Variants in PHLPP1 observed in about 807,000 individuals in gnomAD.
PHLPP1 encodes the protein PH domain leucine-rich repeat-containing protein phosphatase 1.
PHLPP1 carries 42 observed loss-of-function variants against 117.2 expected under a neutral mutation model. The observed-to-expected ratio is 0.36, with a 90% CI of 0.28 to 0.46. The LOEUF is 0.46. PHLPP1 is among the 20% of genes least tolerant of loss of function. The pLI, the probability that PHLPP1 is intolerant of heterozygous loss-of-function variation, is 1.00. For missense variants in PHLPP1, 2,084 were observed against 2,241.9 expected (o/e 0.93, Z 1.42); for synonymous variants, 1,042 against 970.7 (o/e 1.07, Z -1.37).
At chr18:62,928,001 A>G (rs919784004) in intron 10 of PHLPP1, among the ~76,000 whole-genome samples, 1 of 152,178 alleles carries the variant, frequency 6.6e-6, no homozygotes, top group Non-Finnish European at 1.5e-5. Flanking sequence ...TAAAAGGCAA[A>G]TATTTAGATT....
At chr18:62,926,800 G>A (rs1227640200) in intron 10 of PHLPP1, among the ~76,000 whole-genome samples, 5 of 152,156 alleles carry the variant, frequency 3.3e-5, no homozygotes, top group African/African-American at 4.8e-5. Flanking sequence ...TGTTCCTTTA[G>A]CAGCTCCAAA....
At position 62,914,938 on chromosome 18, in the gene PHLPP1, T is replaced by A; in HGVS notation, c.2734T>A (p.Trp912Arg). Residue 912 changes from tryptophan (W) to arginine (R), a missense_variant, in exon 9 of 17, where the codon TGG becomes AGG. Physicochemically the swap from Trp to Arg is moderately radical, Grantham distance 101. Transcript: ENST00000262719. Reference sequence around the variant, plus strand: ...GAACCGCTTAGAAAATGTGCCTGAGTGGGTATGTGAAAGCCGAAAGCTAGA... The same window carrying A: ...GAACCGCTTAGAAAATGTGCCTGAGAGGGTATGTGAAAGCCGAAAGCTAGA... ...SRNRLENVPE[W>R]VCESRKLEVL... The A allele has an allele frequency of 6.2e-7, 1 of 1,613,702 alleles. No homozygotes were observed. The highest frequency in any genetic ancestry group is 8.5e-7 in the Non-Finnish European group (1 of 1,179,742).
At chr18:62,821,144 A>C (rs1223607425) in intron 1 of PHLPP1, among the ~76,000 whole-genome samples, 2 of 152,202 alleles carry the variant, frequency 1.3e-5, no homozygotes, top group African/African-American at 4.8e-5. Context: ...AAATTAGTAA[A>C]AGATGGACCT....
chr18:62,790,141 G>C (rs1470348358), intron 1 of PHLPP1, among the ~76,000 whole-genome samples: 1 of 152,120 alleles, frequency 6.6e-6, no homozygotes, highest in Non-Finnish European at 1.5e-5. Context: ...AAATAAGAAG[G>C]CTAAATAAAT....
intron 1 of PHLPP1, among the ~76,000 whole-genome samples, chr18:62,827,308 C>T (rs901723434): frequency 6.6e-6 from 1 of 152,146 alleles, no homozygotes; most frequent in Admixed American, 6.5e-5. Flanking sequence ...GTAAAAGTTA[C>T]AACTGACCCA....
chr18:62,876,484 C>T (rs1298345409), intron 4 of PHLPP1, among the ~76,000 whole-genome samples: 3 of 152,050 alleles, frequency 2.0e-5, no homozygotes, highest in Non-Finnish European at 4.4e-5. Flanking sequence ...CTTATCAATC[C>T]TTTTATAGTA....
In PHLPP1 at chr18:62,821,548, CCA is replaced by C. The variant is rs1487072470; in HGVS notation, c.1577-8486_1577-8485del. On this transcript the variant is annotated intron_variant, in intron 1 of 16. Transcript: ENST00000262719. Reference sequence around the variant, plus strand: ...TGGGTGACAGAGTGAGACCCTTTATCCAAAAAAAAAAAAAAAAAAAAAAGAAA... The same window carrying C: ...TGGGTGACAGAGTGAGACCCTTTATCAAAAAAAAAAAAAAAAAAAAAGAAA... 1.0e-4 allele frequency among the ~76,000 whole-genome samples: 3 copies of C among 29,338 alleles called. 1 individual carries two copies. The highest frequency in any genetic ancestry group is 1.3e-4 in the Non-Finnish European group (2 of 15,692). 19.2% of individuals were successfully genotyped at this position (29,338 alleles called of 152,430 possible).
At chr18:62,977,173 C>T (rs1362650568) in intron 16 of PHLPP1, among the ~76,000 whole-genome samples, 2 of 151,990 alleles carry the variant, frequency 1.3e-5, no homozygotes, top group Non-Finnish European at 2.9e-5. Context: ...TGTGGTGTGG[C>T]AAAGTTGTGT....
Position 62,941,767 on chromosome 18 carries a change from G to T in PHLPP1, c.3010G>T (p.Ala1004Ser), listed in dbSNP as rs1568168754. ...SANKLESLPP[A>S]TLSEETNSIL... Reference sequence around the variant, plus strand: ...GAACAAACTGGAAAGCCTTCCTCCAGCCACGCTTTCCGAAGAGACAAACAG... The same window carrying T: ...GAACAAACTGGAAAGCCTTCCTCCATCCACGCTTTCCGAAGAGACAAACAG... The change falls in exon 11 of 17, where the codon GCC becomes TCC. Residue 1004 changes from alanine (A) to serine (S), a missense_variant. Physicochemically the swap from Ala to Ser is moderately conservative, Grantham distance 99. Coordinates refer to ENST00000262719, the MANE Select transcript of PHLPP1 (RefSeq NM_194449.4). The T allele has an allele frequency of 5.0e-6, 8 of 1,613,876 alleles. No homozygotes were observed. The highest frequency in any genetic ancestry group is 6.8e-6 in the Non-Finnish European group (8 of 1,179,790).
At chr18:62,926,757 C>T (rs1371350221) in intron 10 of PHLPP1, among the ~76,000 whole-genome samples, 2 of 152,148 alleles carry the variant, frequency 1.3e-5, no homozygotes, top group African/African-American at 4.8e-5. Context: ...AGATTGCACC[C>T]TACTGAGCTA....
In PHLPP1 at chr18:62,720,408, TCACTGTA is replaced by T. The variant is rs1435625454; in HGVS notation, c.1576+3151_1576+3157del. On this transcript the variant is annotated intron_variant, in intron 1 of 16. Coordinates refer to ENST00000262719, the MANE Select transcript of PHLPP1 (RefSeq NM_194449.4). Reference sequence around the variant, plus strand: ...GGTGTTGACAGAATAAAGTGCACATTCACTGTACCTAGTGAATCTCGGACAAGGTATT... The same window carrying T: ...GGTGTTGACAGAATAAAGTGCACATTCCTAGTGAATCTCGGACAAGGTATT... Among the ~76,000 whole-genome samples the T allele has an allele frequency of 3.3e-5, 5 of 152,210 alleles. No individual in the cohort carries two copies. The East Asian group carries it at 9.6e-4, about 29-fold the overall frequency.
At chr18:62,816,587 T>TA (rs199659296) in intron 1 of PHLPP1, among the ~76,000 whole-genome samples, 5,369 of 151,190 alleles carry the variant, frequency 0.036, 132 homozygotes, top group Non-Finnish European at 0.054. Flanking sequence ...AAATAAATAA[T>TA]AAAAAAAAAG....
At chr18:62,795,709 C>T (rs1913612255) in intron 1 of PHLPP1, among the ~76,000 whole-genome samples, 1 of 152,088 alleles carries the variant, frequency 6.6e-6, no homozygotes. Context: ...AAAGCATAGA[C>T]ATCCCTTAGC....
chr18:62,804,996 G>A (rs1913900973), intron 1 of PHLPP1, among the ~76,000 whole-genome samples: 2 of 128,692 alleles, frequency 1.6e-5, no homozygotes, highest in South Asian at 2.5e-4. Context: ...CACTGCATAG[G>A]TTATACATAT....
intron 1 of PHLPP1, among the ~76,000 whole-genome samples, chr18:62,775,231 G>A (rs540141488): frequency 6.6e-6 from 1 of 152,236 alleles, no homozygotes; most frequent in Admixed American, 6.5e-5. Flanking sequence ...CTGAGTAGCT[G>A]GGATTATAGG....
rs146954482 is a variant in PHLPP1, at chr18:62,773,436, A to G, written c.1576+56177A>G. Among the ~76,000 whole-genome samples, 497 of 152,300 alleles carry G rather than the reference A, an allele frequency of 3.3e-3. 2 individuals are homozygous for G. Among genetic ancestry groups the G allele is most frequent in the African/African-American group, 0.011 (469 of 41,564 alleles). On this transcript the variant is annotated intron_variant, in intron 1 of 16. Transcript: ENST00000262719. ...AGTTTACCTTACTTGTCTCCCTGAG[A>G]TAAAGTAGTGCATTTCAGAGATGGG...
At chr18:62,737,856 T>C (rs988600824) in intron 1 of PHLPP1, among the ~76,000 whole-genome samples, 1 of 152,138 alleles carries the variant, frequency 6.6e-6, no homozygotes, top group Non-Finnish European at 1.5e-5. Context: ...GAACATAGGA[T>C]AATTGTTTAC....
At chr18:62,792,382 T>C (rs1296790029) in intron 1 of PHLPP1, among the ~76,000 whole-genome samples, 1 of 152,214 alleles carries the variant, frequency 6.6e-6, no homozygotes, top group African/African-American at 2.4e-5. Flanking sequence ...GTCCTTTTAG[T>C]ATGAATGATT....
intron 4 of PHLPP1, among the ~76,000 whole-genome samples, chr18:62,870,959 TG>T (rs576310596): frequency 1.3e-4 from 20 of 152,302 alleles, no homozygotes; most frequent in African/African-American, 2.6e-4. Context: ...TTGGTGGTGT[TG>T]ATGGTTTCTT....
Sources: allele counts gnomAD v4.1 joint callset (sites outside exome capture counted in the v4.1 genomes callset), GRCh38; gene constraint gnomAD v4.1.1; transcripts MANE v1.5; gene names NCBI Gene and HGNC (gene_info 2026-07-23, HGNC 2026-07-21).